The following GPM6B variants were observed in gnomAD, a reference collection of about 807,000 sequenced individuals.
GPM6B encodes neuronal membrane glycoprotein M6-b.
In GPM6B, 4 loss-of-function variants were observed where a neutral mutation model predicts 27.2. The ratio of observed to expected loss-of-function variants is 0.15; its 90% CI spans 0.07 to 0.34. GPM6B has a LOEUF of 0.34. Ranked by LOEUF, GPM6B falls within the 10% of genes least tolerant of loss-of-function variation. The pLI is 1.00. For synonymous variants in GPM6B, 124 were observed against 103.1 expected (o/e 1.20, Z -1.23); for missense variants, 183 against 261.9 (o/e 0.70, Z 2.08).
chrX:13,852,566 A>G (rs2049730392), intron 1 of GPM6B, among the ~76,000 whole-genome samples: 1 of 111,085 alleles, frequency 9.0e-6, no homozygotes, highest in Admixed American at 9.6e-5. Context: ...ACACAGTACT[A>G]GACTTAACTG....
chrX:13,921,656 A>G (rs1920978196), intron 1 of GPM6B, among the ~76,000 whole-genome samples: 1 of 105,567 alleles, frequency 9.5e-6, no homozygotes, highest in Non-Finnish European at 1.9e-5. Flanking sequence ...GCTCACTGCA[A>G]CCTCCGCCTC....
At chrX:13,804,767 T>C (rs1323219847) in intron 2 of GPM6B, among the ~76,000 whole-genome samples, 1 of 90,613 alleles carries the variant, frequency 1.1e-5, no homozygotes. Flanking sequence ...TTTTCCCCCA[T>C]GGAAAAAGGC....
chrX:13,864,464 G>C (rs777005616), intron 1 of GPM6B, among the ~76,000 whole-genome samples: 1 of 112,812 alleles, frequency 8.9e-6, no homozygotes, highest in African/African-American at 3.2e-5. Flanking sequence ...TGGTGGAGCC[G>C]AGGGGCTGGT....
At chrX:13,809,235 G>A (rs1353985387) in intron 1 of GPM6B, among the ~76,000 whole-genome samples, 1 of 111,835 alleles carries the variant, frequency 8.9e-6, no homozygotes, top group East Asian at 2.8e-4. Context: ...GCCTGAATGT[G>A]AACCTTAGCA....
At chrX:13,913,353 C>A (rs775349726) in intron 1 of GPM6B, among the ~76,000 whole-genome samples, 1 of 109,192 alleles carries the variant, frequency 9.2e-6, no homozygotes, top group South Asian at 4.1e-4. Context: ...CAGGATGTCA[C>A]CATCTTGCCC....
Position 13,870,318 on chromosome X carries a change from C to T in GPM6B, c.-198+68009G>A, listed in dbSNP as rs191869282. Among the ~76,000 whole-genome samples, 160 of 112,571 alleles carry T rather than the reference C, an allele frequency of 1.4e-3. 1 individual carries two copies. The highest frequency in any genetic ancestry group is 2.1e-3 in the Non-Finnish European group (110 of 53,323). On this transcript the variant is annotated intron_variant, in intron 1 of 6. Coordinates refer to the GPM6B transcript ENST00000398361. ...GTTTACCATGTTCCAGATATAATGTCAGTCTCTAAGGCAATGATGTTCATT... is the reference window on the plus strand; with the variant it reads ...GTTTACCATGTTCCAGATATAATGTTAGTCTCTAAGGCAATGATGTTCATT...
At chrX:13,838,198 C>T (rs747510307) in intron 1 of GPM6B, among the ~76,000 whole-genome samples, 1 of 110,973 alleles carries the variant, frequency 9.0e-6, no homozygotes, top group African/African-American at 3.3e-5. Flanking sequence ...CCAGCAATCA[C>T]TTCATGCGTA....
rs199791285 is a variant in GPM6B at position 13,905,230 on chromosome X, C to CAAAA, written c.-198+33093_-198+33096dup. Among the ~76,000 whole-genome samples, 9 of 64,725 alleles carry CAAAA rather than the reference C, an allele frequency of 1.4e-4. 1 individual carries two copies. Among genetic ancestry groups the CAAAA allele is most frequent in the Admixed American group, 5.8e-4 (3 of 5,137 alleles). 56.2% of individuals were successfully genotyped at this position (64,725 alleles called of 115,157 possible). ...TGGGCAGCAGAGTGAGGCCCTGTCTCAAAAAAAAAAAAAAAAGAAAAGAAA... is the reference window on the plus strand; with the variant it reads ...TGGGCAGCAGAGTGAGGCCCTGTCTCAAAAAAAAAAAAAAAAAAAAGAAAAGAAA... On this transcript the variant is annotated intron_variant, in intron 1 of 6. Transcript: ENST00000398361.
intron 2 of GPM6B, among the ~76,000 whole-genome samples, chrX:13,798,305 C>G (rs2048853670): frequency 9.2e-6 from 1 of 109,084 alleles, no homozygotes; most frequent in Non-Finnish European, 1.9e-5. Context: ...GAGGCATCCT[C>G]TGGACTGAGG....
At chrX:13,779,664 T>C (rs2048478941) in intron 5 of GPM6B, among the ~76,000 whole-genome samples, 154 bp downstream of exon 5, 1 of 110,563 alleles carries the variant, frequency 9.0e-6, no homozygotes, top group Non-Finnish European at 1.9e-5. Flanking sequence ...ACCCAGAAAA[T>C]AGCATATTGA....
chrX:13,826,557 C>CAT, intron 1 of GPM6B, among the ~76,000 whole-genome samples: 1 of 45,897 alleles, frequency 2.2e-5, no homozygotes, highest in Admixed American at 1.8e-4. Flanking sequence ...TACATACATA[C>CAT]ATACACACAT....
intron 1 of GPM6B, among the ~76,000 whole-genome samples, chrX:13,828,002 C>A (rs1159508115): frequency 1.8e-5 from 2 of 111,175 alleles, no homozygotes; most frequent in African/African-American, 6.6e-5. Context: ...CACACAGATG[C>A]CCACATACCT....
intron 1 of GPM6B, among the ~76,000 whole-genome samples, chrX:13,931,305 G>A (rs963149738): frequency 2.2e-4 from 24 of 110,599 alleles, no homozygotes; most frequent in Non-Finnish European, 3.0e-4. Flanking sequence ...AGGCTATCAT[G>A]GTGAAACCCC....
chrX:13,874,941 C>CT (rs1159499535), intron 1 of GPM6B, among the ~76,000 whole-genome samples: 1 of 102,253 alleles, frequency 9.8e-6, no homozygotes, highest in African/African-American at 3.7e-5. Context: ...TACCAATCCC[C>CT]CCCCCACCCC....
intron 1 of GPM6B, among the ~76,000 whole-genome samples, chrX:13,856,701 T>TA (rs1251209057): frequency 7.8e-5 from 7 of 89,378 alleles, no homozygotes; most frequent in Admixed American, 7.5e-4. Flanking sequence ...TATTTTTTTT[T>TA]TTATTATTTT....
chrX:13,803,127 G>A (rs756932849), intron 2 of GPM6B, among the ~76,000 whole-genome samples: 3 of 111,846 alleles, frequency 2.7e-5, no homozygotes, highest in Non-Finnish European at 5.6e-5. Context: ...AGGACTTATA[G>A]CTACAGGTGT....
intron 1 of GPM6B, among the ~76,000 whole-genome samples, chrX:13,909,555 G>A (rs2050360252): frequency 8.9e-6 from 1 of 111,732 alleles, no homozygotes; most frequent in Non-Finnish European, 1.9e-5. Flanking sequence ...GGATGATGAC[G>A]AAGATCAACA....
upstream of GPM6B, chrX:13,938,556 TC>T (rs780156283): frequency 9.4e-6 from 8 of 854,186 alleles, no homozygotes; most frequent in Non-Finnish European, 1.0e-5. Flanking sequence ...GCGTTCGGGC[TC>T]CCCGGGGACG....
intron 1 of GPM6B, among the ~76,000 whole-genome samples, chrX:13,877,927 A>C (rs1357861386): frequency 9.2e-6 from 1 of 108,997 alleles, no homozygotes; most frequent in African/African-American, 3.4e-5. Flanking sequence ...TATCTCAGTA[A>C]GTATCTTGAA....
Sources: allele counts gnomAD v4.1 joint callset (sites outside exome capture counted in the v4.1 genomes callset), GRCh38; gene constraint gnomAD v4.1.1; transcripts MANE v1.5; gene names NCBI Gene and HGNC (gene_info 2026-07-23, HGNC 2026-07-21).